TENM3: variants seen among roughly 807,000 people sequenced by gnomAD.
TENM3 encodes the protein teneurin-3.
TENM3 carries 63 observed loss-of-function variants against 255.1 expected under a neutral mutation model. That is an observed-to-expected ratio of 0.25 (90% CI 0.20 to 0.30). The LOEUF is 0.30. Ranked by LOEUF, TENM3 falls within the 10% of genes least tolerant of loss-of-function variation. The probability of loss-of-function intolerance (pLI) is 1.00; values close to 1 mark genes in which losing one functional copy is unlikely to be tolerated. For synonymous variants in TENM3, 1,306 were observed against 1,322.3 expected, an observed-to-expected ratio of 0.99 and a Z score of 0.27; for missense variants, 2,929 against 3,461.1, an observed-to-expected ratio of 0.85 and a Z score of 3.86.
At chr4:182,157,095 TC>T (rs1025801320) in intron 1 of TENM3, among the ~76,000 whole-genome samples, 1 of 152,310 alleles carries the variant, frequency 6.6e-6, no homozygotes, top group South Asian at 2.1e-4. Flanking sequence ...CATCCACCCT[TC>T]CTGCAGCATG....
chr4:182,503,027 T>A (rs1471006752), intron 3 of TENM3, among the ~76,000 whole-genome samples: 1 of 151,904 alleles, frequency 6.6e-6, no homozygotes, highest in African/African-American at 2.4e-5. Flanking sequence ...TGTCCAAAGT[T>A]TAGACAATCC....
chr4:182,774,961 C>G lies in TENM3; in HGVS notation c.5112C>G (p.Leu1704=). ...ACCAGATTGGTTATGACGGCTCCCT[C>G]AGAATTATCTACGCCAGTGGCCTGG... The part of the protein sequence containing the change: ...NSYQIGYDGS[L]RIIYASGLDS... The change falls in exon 24 of 28, where the codon CTC becomes CTG. Residue 1704 remains leucine (L), a synonymous_variant. Transcript: ENST00000511685. 1.9e-6 allele frequency: 3 copies of G among 1,613,880 alleles called. 1 individual carries two copies. The South Asian group carries it at 3.3e-5, about 18-fold the overall frequency.
At chr4:182,727,244 T>G (rs1465512112) in intron 13 of TENM3, among the ~76,000 whole-genome samples, 1 of 151,948 alleles carries the variant, frequency 6.6e-6, no homozygotes, top group Non-Finnish European at 1.5e-5. Flanking sequence ...TCACTTGAGG[T>G]CTGGAGTTCG....
the TENM3 span, among the ~76,000 whole-genome samples, chr4:181,927,210 C>T: frequency 4.9e-4 from 74 of 152,322 alleles, no homozygotes; most frequent in African/African-American, 1.7e-3. Context: ...GCCAAGTGGT[C>T]TACCATCCAT....
In TENM3 at chr4:182,680,618, G is replaced by A. The variant is rs1561099768; in HGVS notation, c.1715G>A (p.Gly572Asp). ...TGCCTGTGTTTCAGCGGCTGGAAGG[G>A]CACCGAGTGTGATGTGCCGACTACC... is the stretch of plus-strand genomic sequence containing the variant. ...GRCLCFSGWK[G>D]TECDVPTTQC... The change falls in exon 10 of 28, where the codon GGC becomes GAC. Residue 572 changes from glycine (G) to aspartate (D), a missense_variant. By Grantham distance (94) the Gly-to-Asp change is moderately conservative (BLOSUM62 -1). Coordinates refer to ENST00000511685, the MANE Select transcript of TENM3 (RefSeq NM_001080477.4). 1.2e-6 allele frequency: 2 copies of A among 1,613,806 alleles called. No individual in the cohort carries two copies. The highest frequency in any genetic ancestry group is 2.2e-5 in the East Asian group (1 of 44,868).
intron 3 of TENM3, among the ~76,000 whole-genome samples, chr4:182,471,098 A>G (rs1333767286): frequency 5.3e-5 from 8 of 152,210 alleles, no homozygotes; most frequent in Non-Finnish European, 1.0e-4. Context: ...TGAAATGACC[A>G]AAAGCTGGGC....
At chr4:182,295,643 G>C (rs1761440383) in intron 1 of TENM3, among the ~76,000 whole-genome samples, 1 of 152,130 alleles carries the variant, frequency 6.6e-6, no homozygotes, top group South Asian at 2.1e-4. Flanking sequence ...ATACTGTAAA[G>C]CTTCAGAAAG....
At chr4:181,554,768 A>T in the TENM3 span, among the ~76,000 whole-genome samples, 1 of 152,246 alleles carries the variant, frequency 6.6e-6, no homozygotes, top group African/African-American at 2.4e-5. Context: ...CAACCTGTTA[A>T]ATAGTCCCTT....
chr4:182,099,508 T>C, the TENM3 span, among the ~76,000 whole-genome samples: 4 of 152,166 alleles, frequency 2.6e-5, no homozygotes, highest in African/African-American at 9.7e-5. Flanking sequence ...TTTTACCTTT[T>C]TAAATGGTTG....
At chr4:182,016,962 A>C in the TENM3 span, among the ~76,000 whole-genome samples, 2 of 152,194 alleles carry the variant, frequency 1.3e-5, no homozygotes, top group Non-Finnish European at 2.9e-5. Flanking sequence ...TTTTCTCTGG[A>C]TTTTATCAGG....
At chr4:182,572,604 T>C (rs1489409086) in intron 3 of TENM3, among the ~76,000 whole-genome samples, 1 of 152,170 alleles carries the variant, frequency 6.6e-6, no homozygotes, top group Non-Finnish European at 1.5e-5. Context: ...TGTACCTCTT[T>C]CCAGTGACTC....
chr4:181,582,495 G>A, the TENM3 span, among the ~76,000 whole-genome samples: 134 of 151,854 alleles, frequency 8.8e-4, 1 homozygote, highest in African/African-American at 3.0e-3. Flanking sequence ...AGTCTCCCAC[G>A]GTCTGGGAAG....
intron 3 of TENM3, among the ~76,000 whole-genome samples, chr4:182,388,727 G>T (rs893866668): frequency 2.0e-5 from 3 of 152,168 alleles, no homozygotes; most frequent in Non-Finnish European, 4.4e-5. Flanking sequence ...TCATGCTTTT[G>T]AATCTCAAAT....
intron 19 of TENM3, among the ~76,000 whole-genome samples, chr4:182,745,460 A>G (rs1761936599): frequency 6.6e-6 from 1 of 152,216 alleles, no homozygotes; most frequent in African/African-American, 2.4e-5. Flanking sequence ...GCTGGAGGCA[A>G]TACAGAAAAA....
At chr4:182,600,674 C>T (rs1280810464) in intron 3 of TENM3, among the ~76,000 whole-genome samples, 1 of 151,868 alleles carries the variant, frequency 6.6e-6, no homozygotes, top group African/African-American at 2.4e-5. Context: ...CAAATTAAAA[C>T]CAAAAGCAAT....
At chr4:181,816,135 G>A in the TENM3 span, among the ~76,000 whole-genome samples, 5 of 152,066 alleles carry the variant, frequency 3.3e-5, no homozygotes, top group African/African-American at 1.2e-4. Context: ...ACTATAAGAC[G>A]TTTCCACTCA....
At chr4:181,904,048 G>A in the TENM3 span, among the ~76,000 whole-genome samples, 1 of 152,010 alleles carries the variant, frequency 6.6e-6, no homozygotes, top group African/African-American at 2.4e-5. Context: ...TGTTCTTTGG[G>A]CATCTAAAAC....
the TENM3 span, among the ~76,000 whole-genome samples, chr4:181,806,270 G>A: frequency 6.2e-4 from 94 of 152,264 alleles, 1 homozygote; most frequent in East Asian, 0.015. Flanking sequence ...TGCGTTTACT[G>A]TAGTTACATC....
intron 13 of TENM3, among the ~76,000 whole-genome samples, chr4:182,727,864 C>CT (rs35226237): frequency 0.77 from 109,047 of 140,760 alleles, 42,270 homozygotes; most frequent in East Asian, 0.88. Flanking sequence ...CTTAGAAGAA[C>CT]TTTTTTTTTT....
Sources: allele counts gnomAD v4.1 joint callset (sites outside exome capture counted in the v4.1 genomes callset), GRCh38; gene constraint gnomAD v4.1.1; transcripts MANE v1.5; gene names NCBI Gene and HGNC (gene_info 2026-07-23, HGNC 2026-07-21).